WDTC1: variants seen among roughly 807,000 people sequenced by gnomAD.
WDTC1 encodes WD and tetratricopeptide repeats protein 1.
A neutral mutation model predicts 76.0 loss-of-function variants in WDTC1; 12 were observed. The observed-to-expected ratio is 0.16, with a 90% CI of 0.10 to 0.26. WDTC1 has a LOEUF of 0.26. WDTC1 is among the 10% of genes least tolerant of loss of function. The pLI is 1.00. For missense variants in WDTC1, 511 were observed against 908.8 expected, an observed-to-expected ratio of 0.56 and a Z score of 5.63; for synonymous variants, 326 against 350.8, an observed-to-expected ratio of 0.93 and a Z score of 0.79.
rs748564155 is a variant in WDTC1 at position 27,296,311 on chromosome 1, C to T, written c.874-15C>T. The stretch of plus-strand genomic sequence containing the variant: ...TCACAGCTTCCATCTCTTTTTTTGC[C>T]CCCCTCAACTCTAGGTCTATTTGTT... On this transcript the variant is annotated splice_polypyrimidine_tract_variant and intron_variant, in intron 9 of 15. Coordinates refer to ENST00000319394, the MANE Select transcript of WDTC1 (RefSeq NM_001276252.2). The T allele has an allele frequency of 2.5e-6, 4 of 1,612,500 alleles. No individual in the cohort carries two copies. The highest frequency in any genetic ancestry group is 1.3e-5 in the African/African-American group (1 of 74,738).
chr1:27,290,410 CT>C (rs2013505405), intron 6 of WDTC1, among the ~76,000 whole-genome samples: 1 of 152,064 alleles, frequency 6.6e-6, no homozygotes, highest in African/African-American at 2.4e-5. Flanking sequence ...TATTGGTTTA[CT>C]TTTTTGTCTG....
intron 1 of WDTC1, among the ~76,000 whole-genome samples, chr1:27,259,421 A>G (rs1399265250): frequency 6.8e-6 from 1 of 147,674 alleles, no homozygotes; most frequent in East Asian, 2.0e-4. Flanking sequence ...TCCCACCTCA[A>G]CCTCCCAAAG....
intron 1 of WDTC1, among the ~76,000 whole-genome samples, chr1:27,251,033 ATTTTTTTTTTT>A (rs71584875): frequency 9.8e-4 from 28 of 28,682 alleles, no homozygotes; most frequent in South Asian, 6.0e-3. Flanking sequence ...CTCCTGGCTA[ATTTTTTTTTTT>A]TTTTTTTTTT....
intron 1 of WDTC1, among the ~76,000 whole-genome samples, chr1:27,245,439 A>G (rs1234453824): frequency 2.0e-5 from 3 of 151,782 alleles, no homozygotes; most frequent in Non-Finnish European, 4.4e-5. Flanking sequence ...CTTCTAAGAA[A>G]GAGAAGCCAC....
At position 27,237,890 on chromosome 1, in the gene WDTC1, A is replaced by T. The variant is rs540391979; in HGVS notation, c.-100+2939A>T. On this transcript the variant is annotated intron_variant, in intron 1 of 15. Transcript: ENST00000319394. ...AAAAAAAAAAAGAAAAGAAAAGAAA[A>T]AAAAGAAAGAAGCCAGTTCCTTGGT... Among the ~76,000 whole-genome samples, 4 of 151,840 alleles carry T rather than the reference A, an allele frequency of 2.6e-5. No individual in the cohort carries two copies. The East Asian group carries it at 7.7e-4, about 29-fold the overall frequency.
chr1:27,304,823 G>C (rs2013913369), intron 14 of WDTC1, 178 bp from the exon 15 acceptor site: 1 of 594,038 alleles, frequency 1.7e-6, no homozygotes, highest in Non-Finnish European at 2.9e-6. Flanking sequence ...AGGTTTAAGA[G>C]AACAGTGACC....
intron 6 of WDTC1, among the ~76,000 whole-genome samples, chr1:27,288,440 T>C (rs1171835877): frequency 1.3e-5 from 2 of 151,796 alleles, no homozygotes; most frequent in Admixed American, 1.3e-4. Context: ...GGAGGGAAGG[T>C]CAGCAGATTA....
intron 14 of WDTC1, chr1:27,304,016 T>C (rs1470963636): frequency 3.7e-6 from 2 of 547,428 alleles, no homozygotes; most frequent in South Asian, 2.4e-5. Flanking sequence ...ACTAATAAGA[T>C]AACCCAAGTA....
At chr1:27,285,963 G>C (rs2013321157) in intron 5 of WDTC1, among the ~76,000 whole-genome samples, 1 of 149,084 alleles carries the variant, frequency 6.7e-6, no homozygotes, top group Non-Finnish European at 1.5e-5. Context: ...ATGTCATCTG[G>C]AGTATTTTGT....
At chr1:27,251,179 C>CTA (rs1310571561) in intron 1 of WDTC1, among the ~76,000 whole-genome samples, 1 of 150,546 alleles carries the variant, frequency 6.6e-6, no homozygotes, top group African/African-American at 2.4e-5. Context: ...GTGTGAGCGA[C>CTA]CACACCTAGC....
At chr1:27,269,621 G>GTTTTTTTTTTTTTTTTTTTT in intron 3 of WDTC1, among the ~76,000 whole-genome samples, 1 of 126,872 alleles carries the variant, frequency 7.9e-6, no homozygotes, top group Non-Finnish European at 1.6e-5. Flanking sequence ...TTTTTTTTCG[G>GTTTTTTTTTTTTTTTTTTTT]TTTTTTTTTT....
intron 1 of WDTC1, among the ~76,000 whole-genome samples, chr1:27,251,197 C>A (rs2012047861): frequency 1.3e-5 from 2 of 151,266 alleles, no homozygotes; most frequent in Admixed American, 1.3e-4. Context: ...AGCCAGACTT[C>A]TATTTTCTTG....
intron 4 of WDTC1, 109 bp from the exon 5 acceptor site, chr1:27,283,229 A>G: frequency 1.1e-6 from 1 of 889,068 alleles, no homozygotes. Context: ...TGTGACATTT[A>G]CTGTTCTTCA....
chr1:27,295,844 C>A (rs377624413), intron 9 of WDTC1, among the ~76,000 whole-genome samples: 2 of 152,114 alleles, frequency 1.3e-5, no homozygotes, highest in Admixed American at 6.6e-5. Flanking sequence ...CAGGTCACTG[C>A]AGCCTCGACA....
intron 1 of WDTC1, chr1:27,255,337 T>C (rs2012240274): frequency 6.6e-6 from 1 of 152,182 alleles, no homozygotes; most frequent in Admixed American, 6.6e-5. Context: ...GGCCCTGGGT[T>C]TGAGTTCCTG....
intron 1 of WDTC1, among the ~76,000 whole-genome samples, chr1:27,242,168 G>A (rs781443582): frequency 1.3e-5 from 2 of 151,816 alleles, no homozygotes; most frequent in South Asian, 2.1e-4. Context: ...TTGGGATTAC[G>A]GGGATGAGCC....
chr1:27,264,365 G>C (rs2012588361), intron 3 of WDTC1, among the ~76,000 whole-genome samples: 1 of 152,052 alleles, frequency 6.6e-6, no homozygotes, highest in East Asian at 1.9e-4. Flanking sequence ...GCTGAGACAG[G>C]ATTGCTTGAG....
At chr1:27,237,667 G>A (rs2011518498) in intron 1 of WDTC1, among the ~76,000 whole-genome samples, 1 of 151,998 alleles carries the variant, frequency 6.6e-6, no homozygotes, top group African/African-American at 2.4e-5. Flanking sequence ...GGCTAACACG[G>A]TGAAACCCCA....
At chr1:27,247,712 C>CTTTTTTT (rs35930144) in intron 1 of WDTC1, among the ~76,000 whole-genome samples, 12 of 136,556 alleles carry the variant, frequency 8.8e-5, no homozygotes, top group Non-Finnish European at 1.1e-4. Context: ...CATTTTCTTT[C>CTTTTTTT]TTTTTTTTTT....
Sources: allele counts gnomAD v4.1 joint callset (sites outside exome capture counted in the v4.1 genomes callset), GRCh38; gene constraint gnomAD v4.1.1; transcripts MANE v1.5; gene names NCBI Gene and HGNC (gene_info 2026-07-23, HGNC 2026-07-21).